The following CCDC126 variants were observed in gnomAD, a reference collection of about 807,000 sequenced individuals.
CCDC126 encodes the protein coiled-coil domain containing 126.
CCDC126 carries 5 observed loss-of-function variants against 11.7 expected under a neutral mutation model. The ratio of observed to expected loss-of-function variants is 0.43; its 90% CI spans 0.22 to 0.90. CCDC126 has a LOEUF of 0.90. CCDC126 is among the 40% of genes least tolerant of loss of function. CCDC126 has a pLI of 0.27. For missense variants in CCDC126, 150 were observed against 163.1 expected, an observed-to-expected ratio of 0.92 and a Z score of 0.44; for synonymous variants, 60 against 61.9, an observed-to-expected ratio of 0.97 and a Z score of 0.14.
chr7:23,615,947 A>G (rs908955438), intron 3 of CCDC126, among the ~76,000 whole-genome samples: 2 of 152,268 alleles, frequency 1.3e-5, no homozygotes, highest in Admixed American at 6.5e-5. Context: ...ACAGAGACAC[A>G]AAGTGAGCAG....
intron 3 of CCDC126, among the ~76,000 whole-genome samples, chr7:23,612,145 CAAA>C (rs68133290): frequency 2.5e-4 from 14 of 55,356 alleles, no homozygotes; most frequent in African/African-American, 6.2e-4. Context: ...GACTCCGTCT[CAAA>C]AAAAAAAAAA....
chr7:23,644,253 G>A lies in CCDC126; in HGVS notation c.*1138G>A, dbSNP rs1783420337. 1 of 152,392 alleles carries A rather than the reference G, an allele frequency of 6.6e-6. No homozygotes were observed. The highest frequency in any genetic ancestry group is 1.5e-5 in the Non-Finnish European group (1 of 67,900). 9.4% of individuals were successfully genotyped at this position (152,392 alleles called of 1,614,324 possible). A position where few individuals can be genotyped will look rare whatever the true frequency, so the allele number is the denominator to read the frequency against. On this transcript the variant is annotated 3_prime_UTR_variant, in exon 4 of 4. Transcript: ENST00000307471. Reference sequence around the variant, plus strand: ...TGACTATCTTTTCAGGAAAAAAGCTGTATATAGCACAGGGAACCCTAATCT... The same window carrying A: ...TGACTATCTTTTCAGGAAAAAAGCTATATATAGCACAGGGAACCCTAATCT...
At chr7:23,636,210 G>A (rs1195102744) in intron 3 of CCDC126, among the ~76,000 whole-genome samples, 1 of 152,318 alleles carries the variant, frequency 6.6e-6, no homozygotes, top group South Asian at 2.1e-4. Context: ...ATCTCGGCTC[G>A]CTACAACCAC....
intron 3 of CCDC126, chr7:23,622,786 T>C (rs1782940504): frequency 2.1e-6 from 1 of 481,714 alleles, no homozygotes; most frequent in South Asian, 1.6e-5. Context: ...AGATACAACA[T>C]TGAATGGTTG....
intron 2 of CCDC126, among the ~76,000 whole-genome samples, chr7:23,605,536 A>G (rs932369807): frequency 6.6e-6 from 1 of 152,152 alleles, no homozygotes; most frequent in African/African-American, 2.4e-5. Context: ...TGCAACCATC[A>G]CTACCATCCA....
intron 3 of CCDC126, among the ~76,000 whole-genome samples, chr7:23,616,417 CCT>C (rs1782796439): frequency 6.6e-6 from 1 of 152,086 alleles, no homozygotes; most frequent in South Asian, 2.1e-4. Context: ...TTGGTTATCC[CCT>C]GATTTTAAGG....
intron 3 of CCDC126, among the ~76,000 whole-genome samples, chr7:23,626,161 T>G (rs1279411947): frequency 2.6e-5 from 4 of 152,126 alleles, no homozygotes; most frequent in Non-Finnish European, 5.9e-5. Context: ...TTTTGTTTGT[T>G]TTACATTTAT....
At chr7:23,600,644 C>T (rs2128013460) in intron 2 of CCDC126, among the ~76,000 whole-genome samples, 1 of 152,280 alleles carries the variant, frequency 6.6e-6, no homozygotes, top group East Asian at 1.9e-4. Context: ...GTGAAAGCTT[C>T]TCTGCCTGCT....
intron 2 of CCDC126, chr7:23,601,868 T>C (rs1428983185): frequency 1.3e-5 from 2 of 152,066 alleles, no homozygotes; most frequent in East Asian, 1.9e-4. Context: ...TTTTTTTTTG[T>C]AGTGACTGCG....
intron 3 of CCDC126, among the ~76,000 whole-genome samples, chr7:23,637,901 G>A (rs1349692084): frequency 1.5e-4 from 18 of 119,282 alleles, no homozygotes; most frequent in African/African-American, 5.6e-4. Flanking sequence ...GCCTCTGCCC[G>A]GCCGCCCCTA....
At chr7:23,621,517 A>G (rs1213279216) in intron 3 of CCDC126, among the ~76,000 whole-genome samples, 1 of 152,044 alleles carries the variant, frequency 6.6e-6, no homozygotes, top group East Asian at 1.9e-4. Flanking sequence ...CAATCATGTC[A>G]TCTGCAAACA....
chr7:23,613,853 ATACTG>A (rs1407224551), intron 3 of CCDC126, among the ~76,000 whole-genome samples: 11 of 152,232 alleles, frequency 7.2e-5, no homozygotes, highest in Non-Finnish European at 1.6e-4. Flanking sequence ...AGTTTACACT[ATACTG>A]TAATCTCTTA....
chr7:23,632,151 T>TG (rs761067939), intron 3 of CCDC126, among the ~76,000 whole-genome samples: 12 of 150,000 alleles, frequency 8.0e-5, no homozygotes, highest in Non-Finnish European at 1.8e-4. Context: ...TGGACTGCAG[T>TG]GGTGTGATCT....
chr7:23,609,109 G>T (rs1049475292), intron 2 of CCDC126, among the ~76,000 whole-genome samples: 5 of 152,046 alleles, frequency 3.3e-5, no homozygotes, highest in Non-Finnish European at 7.4e-5. Context: ...GACAATAATG[G>T]TATTACCTCC....
At chr7:23,630,569 G>A (rs149303444) in intron 3 of CCDC126, among the ~76,000 whole-genome samples, 1,702 of 151,850 alleles carry the variant, frequency 0.011, 35 homozygotes, top group African/African-American at 0.039. Flanking sequence ...CACTTTGGGA[G>A]GCCAAGGTGG....
At chr7:23,634,691 A>G (rs952701602) in intron 3 of CCDC126, among the ~76,000 whole-genome samples, 46 of 152,140 alleles carry the variant, frequency 3.0e-4, no homozygotes, top group Non-Finnish European at 5.9e-4. Context: ...AGTGGGAGGT[A>G]TGGGAGGAAT....
intron 2 of CCDC126, among the ~76,000 whole-genome samples, chr7:23,608,768 T>C (rs1018706519): frequency 6.6e-6 from 1 of 152,192 alleles, no homozygotes; most frequent in Non-Finnish European, 1.5e-5. Context: ...AAGATGGGAA[T>C]TGCAATAGAG....
chr7:23,638,706 G>A (rs1269992978), intron 3 of CCDC126, among the ~76,000 whole-genome samples: 3 of 48,682 alleles, frequency 6.2e-5, no homozygotes, highest in African/African-American at 1.8e-4. Context: ...ACCCAAGAAT[G>A]ATCAATAAAA....
intron 3 of CCDC126, among the ~76,000 whole-genome samples, chr7:23,627,662 G>C (rs1265428733): frequency 6.6e-6 from 1 of 151,998 alleles, no homozygotes; most frequent in African/African-American, 2.4e-5. Context: ...ACAGTGGCAC[G>C]ATCATGGCTC....
Sources: gnomAD v4.1 joint callset for allele counts (sites outside exome capture counted in the v4.1 genomes callset) on GRCh38, gnomAD v4.1.1 for gene constraint, MANE v1.5 for transcripts, NCBI Gene and HGNC (gene_info 2026-07-23, HGNC 2026-07-21) for gene names.